PTPRG: variants seen among roughly 807,000 people sequenced by gnomAD.
PTPRG encodes receptor-type tyrosine-protein phosphatase gamma.
Under a neutral mutation model 165.3 loss-of-function variants are expected in PTPRG, and 102 were observed. The ratio of observed to expected loss-of-function variants is 0.62; its 90% CI spans 0.53 to 0.73. The LOEUF is 0.73. PTPRG is among the 30% of genes least tolerant of loss of function. The probability of loss-of-function intolerance (pLI) is 0.00; values close to 1 mark genes in which losing one functional copy is unlikely to be tolerated. For missense variants in PTPRG, 1,866 were observed against 1,861.4 expected, an observed-to-expected ratio of 1.00 and a Z score of -0.05; for synonymous variants, 675 against 669.5, an observed-to-expected ratio of 1.01 and a Z score of -0.13.
intron 15 of PTPRG, among the ~76,000 whole-genome samples, chr3:62,253,229 G>T (rs891833363): frequency 7.9e-5 from 12 of 151,938 alleles, no homozygotes; most frequent in African/African-American, 2.7e-4. Flanking sequence ...TTCTTATTTT[G>T]AACTAGAGTC....
At position 61,738,324 on chromosome 3, in the gene PTPRG, A is replaced by ATATATGTATATATATATGTG. The variant is rs1553657857; in HGVS notation, c.86-10549_86-10548insGTATATATATATGTGTATAT. 2.3e-4 allele frequency among the ~76,000 whole-genome samples: 22 copies of ATATATGTATATATATATGTG among 93,644 alleles called. 1 individual carries two copies. Among genetic ancestry groups the ATATATGTATATATATATGTG allele is most frequent in the South Asian group, 1.5e-3 (4 of 2,590 alleles). 61.4% of individuals were successfully genotyped at this position (93,644 alleles called of 152,430 possible). A position where few individuals can be genotyped will look rare whatever the true frequency, so the allele number is the denominator to read the frequency against. On this transcript the variant is annotated intron_variant, in intron 1 of 29. Coordinates refer to ENST00000474889, the MANE Select transcript of PTPRG (RefSeq NM_002841.4). ...TATATATATATATACATATATATAT[A>ATATATGTATATATATATGTG]TATATATATATATGTATATATATAT...
At chr3:62,160,447 C>T (rs907285940) in intron 7 of PTPRG, among the ~76,000 whole-genome samples, 2 of 152,232 alleles carry the variant, frequency 1.3e-5, no homozygotes, top group East Asian at 3.8e-4. Context: ...TATGTGGCCC[C>T]TCTAAACATC....
intron 16 of PTPRG, among the ~76,000 whole-genome samples, chr3:62,258,455 G>A (rs984588872): frequency 6.6e-6 from 1 of 152,164 alleles, no homozygotes; most frequent in Non-Finnish European, 1.5e-5. Flanking sequence ...TATTGTACAG[G>A]CATAAAGTTC....
At chr3:61,918,429 T>C (rs770688011) in intron 2 of PTPRG, among the ~76,000 whole-genome samples, 3 of 152,216 alleles carry the variant, frequency 2.0e-5, no homozygotes, top group Non-Finnish European at 2.9e-5. Context: ...TGTATGTATT[T>C]AATTCTCCTA....
chr3:62,198,310 G>C (rs2106826237), intron 10 of PTPRG, among the ~76,000 whole-genome samples: 1 of 152,262 alleles, frequency 6.6e-6, no homozygotes, highest in South Asian at 2.1e-4. Flanking sequence ...CTTGGGTGCA[G>C]GTGACTTCAG....
intron 5 of PTPRG, among the ~76,000 whole-genome samples, chr3:62,112,263 C>A (rs1214904963): frequency 6.6e-6 from 1 of 152,118 alleles, no homozygotes; most frequent in Non-Finnish European, 1.5e-5. Context: ...CACCACCATG[C>A]GCAGCTAATT....
rs17065496 is a variant in PTPRG at position 61,845,345 on chromosome 3, A to G, written c.190+96363A>G. Among the ~76,000 whole-genome samples, 960 of 152,346 alleles carry G rather than the reference A, an allele frequency of 6.3e-3. 10 individuals carry two copies. Among genetic ancestry groups the G allele is most frequent in the African/African-American group, 0.021 (882 of 41,580 alleles). On this transcript the variant is annotated intron_variant, in intron 2 of 29. Coordinates refer to ENST00000474889, the MANE Select transcript of PTPRG (RefSeq NM_002841.4). ...AATTTTAGGTTATAGATGAGGACAA[A>G]TAACTTAACAGTGAGGACAATTAAA...
At chr3:62,109,299 G>A (rs368861151) in intron 5 of PTPRG, among the ~76,000 whole-genome samples, 3 of 152,236 alleles carry the variant, frequency 2.0e-5, no homozygotes, top group South Asian at 4.1e-4. Context: ...TATTAAATAC[G>A]GAATCTTTTC....
intron 4 of PTPRG, among the ~76,000 whole-genome samples, chr3:62,052,329 G>A (rs996841512): frequency 6.6e-6 from 1 of 152,098 alleles, no homozygotes; most frequent in African/African-American, 2.4e-5. Flanking sequence ...AAATAAAATA[G>A]TGGGAACTTA....
chr3:61,970,701 A>G (rs900167303), intron 2 of PTPRG, among the ~76,000 whole-genome samples: 6 of 152,158 alleles, frequency 3.9e-5, no homozygotes, highest in Non-Finnish European at 8.8e-5. Flanking sequence ...TCTTAAAAAA[A>G]TTCTAGGATC....
chr3:61,575,685 G>C (rs1466356590), intron 1 of PTPRG, among the ~76,000 whole-genome samples: 2 of 143,344 alleles, frequency 1.4e-5, no homozygotes, highest in Admixed American at 1.5e-4. Context: ...TGAAACCTCT[G>C]CCTCCCGGGT....
In PTPRG at chr3:62,217,444, A is replaced by G; in HGVS notation, c.2156-1407A>G. 1 of 152,198 alleles carries G rather than the reference A, an allele frequency of 6.6e-6. No individual in the cohort carries two copies. The highest frequency in any genetic ancestry group is 2.1e-4 in the South Asian group (1 of 4,830). 9.4% of individuals were successfully genotyped at this position (152,198 alleles called of 1,614,324 possible). On this transcript the variant is annotated intron_variant, in intron 12 of 29. Coordinates refer to ENST00000474889, the MANE Select transcript of PTPRG (RefSeq NM_002841.4). This position sits in a 1 kb window ranked among gnomAD's most constrained non-coding sequence, Gnocchi z 4.3. ...GACTCGGGAGTCTTGCCTCTTTAAA[A>G]ATCTGCTCCCATAGCCAATTCTTTC...
intron 4 of PTPRG, among the ~76,000 whole-genome samples, chr3:62,068,309 T>C (rs1431577281): frequency 2.0e-5 from 3 of 152,098 alleles, no homozygotes; most frequent in Non-Finnish European, 4.4e-5. Context: ...GTAATAGTTA[T>C]TGGGCCCTAG....
In PTPRG at chr3:61,855,586, T is replaced by A. The variant is rs374050561; in HGVS notation, c.190+106604T>A. On this transcript the variant is annotated intron_variant, in intron 2 of 29. Transcript: ENST00000474889. ...TAAAATAGCTTTAAAATGTTCATGT[T>A]AAAGTAGACTTTATAGTCTTGTAAT... is the stretch of plus-strand genomic sequence containing the variant. Among the ~76,000 whole-genome samples the A allele has an allele frequency of 3.3e-5, 5 of 151,834 alleles. No homozygotes were observed. In the East Asian group the frequency reaches 7.7e-4, roughly 23 times the overall value.
chr3:61,951,455 T>G (rs1034604099), intron 2 of PTPRG, among the ~76,000 whole-genome samples: 1 of 152,248 alleles, frequency 6.6e-6, no homozygotes, highest in Non-Finnish European at 1.5e-5. Context: ...TGACTCAATA[T>G]TGTAGATAGT....
chr3:61,967,590 A>G (rs1323956148), intron 2 of PTPRG, among the ~76,000 whole-genome samples: 1 of 152,216 alleles, frequency 6.6e-6, no homozygotes, highest in Non-Finnish European at 1.5e-5. Context: ...ATATAGTTAA[A>G]AGCAGAAAAG....
rs191123168 is a variant in PTPRG at position 61,975,828 on chromosome 3, C to T, written c.191-13797C>T. On this transcript the variant is annotated intron_variant, in intron 2 of 29. Coordinates refer to ENST00000474889, the MANE Select transcript of PTPRG (RefSeq NM_002841.4). ...AAGATTTTCATCAAACATTTTATGT[C>T]GATCACAAATTTAGACACAATGAAA... is the stretch of plus-strand genomic sequence containing the variant. Among the ~76,000 whole-genome samples the T allele has an allele frequency of 1.6e-3, 242 of 152,164 alleles. 1 individual carries two copies. The highest frequency in any genetic ancestry group is 5.6e-3 in the African/African-American group (232 of 41,526).
intron 7 of PTPRG, among the ~76,000 whole-genome samples, chr3:62,165,517 T>C (rs566279608): frequency 6.6e-6 from 1 of 152,304 alleles, no homozygotes; most frequent in South Asian, 2.1e-4. Context: ...TTTCCTTTGC[T>C]GTAAATAAAG....
intron 2 of PTPRG, among the ~76,000 whole-genome samples, chr3:61,850,893 A>C (rs185139786): frequency 6.6e-6 from 1 of 152,194 alleles, no homozygotes; most frequent in Admixed American, 6.5e-5. Flanking sequence ...TTAAAGGTAC[A>C]TCTCAATTTT....
Sources: allele counts gnomAD v4.1 joint callset (sites outside exome capture counted in the v4.1 genomes callset), GRCh38; gene constraint gnomAD v4.1.1; non-coding constraint Gnocchi (gnomAD v3.1); transcripts MANE v1.5; gene names NCBI Gene and HGNC (gene_info 2026-07-23, HGNC 2026-07-21).